WWOX: variants seen among roughly 807,000 people sequenced by gnomAD.
The protein encoded by WWOX is WW domain containing oxidoreductase.
A neutral mutation model predicts 46.2 loss-of-function variants in WWOX; 69 were observed. The observed-to-expected ratio is 1.49, with a 90% CI of 1.23 to 1.82. The LOEUF (loss-of-function observed/expected upper bound fraction) is 1.82. WWOX is among the 40% of genes most tolerant of loss of function. The pLI is 0.00. For missense variants in WWOX, 919 were observed against 542.6 expected (o/e 1.69, Z -6.89); for synonymous variants, 359 against 202.6 (o/e 1.77, Z -6.56).
At chr16:78,802,098 A>G (rs1198931793) in intron 8 of WWOX, among the ~76,000 whole-genome samples, 1 of 151,962 alleles carries the variant, frequency 6.6e-6, no homozygotes, top group Non-Finnish European at 1.5e-5. Flanking sequence ...GTGACAAGGA[A>G]TGTGCCTGTG....
intron 8 of WWOX, among the ~76,000 whole-genome samples, chr16:79,164,897 C>G (rs919771079): frequency 1.3e-5 from 2 of 152,178 alleles, no homozygotes; most frequent in South Asian, 2.1e-4. Context: ...CAGGCAAACC[C>G]ACACACCACA....
rs370475705 is a variant in WWOX at position 78,428,963 on chromosome 16, A to G, written c.792-3525A>G. Among the ~76,000 whole-genome samples, 59 of 152,324 alleles carry G rather than the reference A, an allele frequency of 3.9e-4. 1 individual carries two copies. The South Asian group carries it at 0.01, about 26-fold the overall frequency. On this transcript the variant is annotated intron_variant, in intron 7 of 8. Coordinates refer to ENST00000566780, the MANE Select transcript of WWOX (RefSeq NM_016373.4). ...TTACCTTTAGAGCAATGCTTGAAACAAGGGAAACTGTCAAATTCTCATCAT... is the reference window on the plus strand; with the variant it reads ...TTACCTTTAGAGCAATGCTTGAAACGAGGGAAACTGTCAAATTCTCATCAT...
At chr16:78,891,707 CT>C (rs2044594120) in intron 8 of WWOX, 1 of 152,128 alleles carries the variant, frequency 6.6e-6, no homozygotes, top group Non-Finnish European at 1.5e-5. Flanking sequence ...TCCTTCTTTT[CT>C]AAATTGGTCA....
At chr16:79,040,850 C>G (rs2047957659) in intron 8 of WWOX, among the ~76,000 whole-genome samples, 1 of 151,992 alleles carries the variant, frequency 6.6e-6, no homozygotes, top group Admixed American at 6.6e-5. Context: ...TTTTTCCGAT[C>G]ACAGAAAGTA....
chr16:78,682,840 G>A (rs758105691), intron 8 of WWOX, among the ~76,000 whole-genome samples: 4 of 152,192 alleles, frequency 2.6e-5, no homozygotes, highest in Non-Finnish European at 4.4e-5. Context: ...CTTAATGCCT[G>A]CTGCAAATAG....
chr16:78,928,203 C>CTTTTTTTT (rs969068848), intron 8 of WWOX, among the ~76,000 whole-genome samples: 1 of 134,220 alleles, frequency 7.5e-6, no homozygotes. Context: ...TACCACTTTT[C>CTTTTTTTT]TTTTTTTTTT....
intron 8 of WWOX, among the ~76,000 whole-genome samples, chr16:78,471,245 T>G (rs2084213459): frequency 6.6e-6 from 1 of 152,108 alleles, no homozygotes; most frequent in South Asian, 2.1e-4. Context: ...TTCCCTGTCC[T>G]GCCAATTCTT....
intron 8 of WWOX, among the ~76,000 whole-genome samples, chr16:78,683,654 G>A (rs1269458616): frequency 6.6e-6 from 1 of 152,024 alleles, no homozygotes; most frequent in African/African-American, 2.4e-5. Flanking sequence ...CTCCTGCCTC[G>A]GCTTCCCAAA....
Position 79,011,479 on chromosome 16 carries a change from A to ATTTG in WWOX, c.1057-200126_1057-200125insGTTT, listed in dbSNP as rs386385185. ...TTTTATTTTATTTATTTATTTATTTATTTATTTATTTATTTATTTATTTAT... is the reference window on the plus strand; with the variant it reads ...TTTTATTTTATTTATTTATTTATTTATTTGTTTATTTATTTATTTATTTATTTAT... On this transcript the variant is annotated intron_variant, in intron 8 of 8. Transcript: ENST00000566780. Among the ~76,000 whole-genome samples the ATTTG allele has an allele frequency of 4.2e-3, 606 of 145,180 alleles. 2 individuals carry two copies. The highest frequency in any genetic ancestry group is 0.015 in the African/African-American group (596 of 39,516).
chr16:79,204,453 C>G (rs1450746010), intron 8 of WWOX: 2 of 152,146 alleles, frequency 1.3e-5, no homozygotes, highest in East Asian at 3.9e-4. Flanking sequence ...TGTCTAGGGT[C>G]TCACAATAAT....
At chr16:78,340,017 T>TC (rs796485170) in intron 5 of WWOX, among the ~76,000 whole-genome samples, 275 of 6,792 alleles carry the variant, frequency 0.04, 77 homozygotes, top group African/African-American at 0.1. Context: ...ATGGATTTGG[T>TC]GGGGGGGGGG....
chr16:78,825,746 A>G, intron 8 of WWOX: 1 of 589,440 alleles, frequency 1.7e-6, no homozygotes, highest in South Asian at 1.7e-5. Context: ...TGGCCTGATG[A>G]TCCCCAGCGG....
chr16:79,051,108 C>G (rs11648264), intron 8 of WWOX, among the ~76,000 whole-genome samples: 1 of 152,298 alleles, frequency 6.6e-6, no homozygotes, highest in East Asian at 1.9e-4. Flanking sequence ...ACAGGTGTGA[C>G]TGCAGCCCTA....
At chr16:79,008,842 CG>C (rs2047243424) in intron 8 of WWOX, among the ~76,000 whole-genome samples, 1 of 152,106 alleles carries the variant, frequency 6.6e-6, no homozygotes, top group Non-Finnish European at 1.5e-5. Flanking sequence ...CAGGGGGCCC[CG>C]ATCAGGTGGC....
rs376500082 is a variant in WWOX, at chr16:78,675,112, G to C, written c.1056+242360G>C. On this transcript the variant is annotated intron_variant, in intron 8 of 8. Transcript: ENST00000566780. The stretch of plus-strand genomic sequence containing the variant: ...AGGCGCTGTGCTGAATGTTTACATA[G>C]ATGATCGGATCCTCATATTGGATCC... 5.9e-5 allele frequency among the ~76,000 whole-genome samples: 9 copies of C among 152,302 alleles called. No homozygotes were observed. The East Asian group carries it at 1.2e-3, about 20-fold the overall frequency.
chr16:78,837,349 C>A (rs940770405), intron 8 of WWOX, among the ~76,000 whole-genome samples: 5 of 152,206 alleles, frequency 3.3e-5, no homozygotes, highest in African/African-American at 1.2e-4. Flanking sequence ...CCCTAACCCT[C>A]ACCCAGCAAC....
At chr16:78,576,483 T>C (rs2044883093) in intron 8 of WWOX, among the ~76,000 whole-genome samples, 2 of 152,190 alleles carry the variant, frequency 1.3e-5, no homozygotes, top group Admixed American at 1.3e-4. Context: ...CTGATGTTTT[T>C]CCATTTCGGT....
chr16:78,832,129 C>G (rs758926847), intron 8 of WWOX, among the ~76,000 whole-genome samples: 1 of 152,172 alleles, frequency 6.6e-6, no homozygotes. Flanking sequence ...AGGGTCTTTT[C>G]TGAAGTTGCC....
chr16:78,473,231 G>C (rs62034130), intron 8 of WWOX, among the ~76,000 whole-genome samples: 5,272 of 152,240 alleles, frequency 0.035, 193 homozygotes, highest in African/African-American at 0.087. Context: ...CCACGTTCAA[G>C]CGATTGTCCT....
Sources: gnomAD v4.1 joint callset for allele counts (sites outside exome capture counted in the v4.1 genomes callset) on GRCh38, gnomAD v4.1.1 for gene constraint, MANE v1.5 for transcripts, NCBI Gene and HGNC (gene_info 2026-07-23, HGNC 2026-07-21) for gene names.